The following CRTC3 variants were observed in gnomAD, a reference collection of about 807,000 sequenced individuals.
The protein encoded by CRTC3 is CREB regulated transcription coactivator 3.
CRTC3 carries 26 observed loss-of-function variants against 74.5 expected under a neutral mutation model. That is an observed-to-expected ratio of 0.35 (90% CI 0.26 to 0.48). CRTC3 has a LOEUF of 0.48. Ranked by LOEUF, CRTC3 falls within the 20% of genes least tolerant of loss-of-function variation. The pLI is 0.99. For synonymous variants in CRTC3, 377 were observed against 325.8 expected (o/e 1.16, Z -1.69); for missense variants, 760 against 787.3 (o/e 0.97, Z 0.41).
At chr15:90,551,688 G>A (rs1328943151) in intron 2 of CRTC3, among the ~76,000 whole-genome samples, 2 of 152,116 alleles carry the variant, frequency 1.3e-5, no homozygotes, top group Non-Finnish European at 2.9e-5. Flanking sequence ...GTCTTTATCA[G>A]CCAATCAGAT....
Position 90,642,386 on chromosome 15 carries a change from C to T in CRTC3, c.*246C>T. The T allele has an allele frequency of 3.7e-6, 2 of 542,828 alleles. No homozygotes were observed. The highest frequency in any genetic ancestry group is 1.9e-5 in the African/African-American group (1 of 53,118). 33.6% of individuals were successfully genotyped at this position (542,828 alleles called of 1,614,324 possible). A position where few individuals can be genotyped will look rare whatever the true frequency, so the allele number is the denominator to read the frequency against. Reference sequence around the variant, plus strand: ...CAGCAGGCAGGCTGCTTGGAGCTTCCCATGAACTGGAAAGCTCACCTCCAC... The same window carrying T: ...CAGCAGGCAGGCTGCTTGGAGCTTCTCATGAACTGGAAAGCTCACCTCCAC... On this transcript the variant is annotated 3_prime_UTR_variant, in exon 15 of 15. Transcript: ENST00000268184.
At chr15:90,579,261 A>G (rs761378831) in intron 2 of CRTC3, among the ~76,000 whole-genome samples, 20 of 152,194 alleles carry the variant, frequency 1.3e-4, no homozygotes, top group Non-Finnish European at 2.1e-4. Flanking sequence ...GGATTTGAGT[A>G]TGCATAGATT....
intron 13 of CRTC3, 117 bp from the exon 14 acceptor site, chr15:90,640,977 AAAG>A: frequency 1.5e-6 from 1 of 688,174 alleles, no homozygotes; most frequent in Non-Finnish European, 2.6e-6. Flanking sequence ...GGGATCCTGG[AAAG>A]AAGGGAATAT....
intron 13 of CRTC3, 60 bp from the exon 14 acceptor site, chr15:90,641,037 C>T (rs1014487812): frequency 9.1e-7 from 1 of 1,104,850 alleles, no homozygotes; most frequent in East Asian, 2.4e-5. Flanking sequence ...CATTGCAATA[C>T]TCACTTCCTC....
chr15:90,633,028 C>T (rs1267790788), intron 11 of CRTC3, among the ~76,000 whole-genome samples: 1 of 152,198 alleles, frequency 6.6e-6, no homozygotes, highest in Non-Finnish European at 1.5e-5. Flanking sequence ...CCACCACACA[C>T]ATATGTGCGC....
chr15:90,538,574 C>T (rs916976598), intron 1 of CRTC3, among the ~76,000 whole-genome samples: 5 of 152,046 alleles, frequency 3.3e-5, no homozygotes, highest in South Asian at 4.2e-4. Context: ...TGAGGCACTG[C>T]GGGTAGTGGA....
chr15:90,551,352 T>A (rs1208767623), intron 2 of CRTC3, among the ~76,000 whole-genome samples: 1 of 152,178 alleles, frequency 6.6e-6, no homozygotes, highest in Non-Finnish European at 1.5e-5. Context: ...CTTCTTACTG[T>A]CTCCCCCTCA....
At position 90,638,603 on chromosome 15, in the gene CRTC3, C is replaced by T. The variant is rs149719364; in HGVS notation, c.1424C>T (p.Ala475Val). ...PEAPAQQPQA[A>V]SSLPQSDFQL... is the part of the protein sequence containing the mutation. ...GCCCCTGCCCAGCAGCCCCAGGCAG[C>T]CTCCTCACTGCCACAGTCAGACTTT... The change falls in exon 12 of 15, where the codon GCC (alanine) becomes GTC (valine). Residue 475 changes from alanine (A) to valine (V), a missense_variant. Transcript: ENST00000268184. The T allele has an allele frequency of 2.0e-5, 33 of 1,613,156 alleles. No individual in the cohort carries two copies. The South Asian group carries it at 3.6e-4, about 18-fold the overall frequency.
At chr15:90,539,251 C>T (rs1966766964) in intron 1 of CRTC3, among the ~76,000 whole-genome samples, 1 of 152,106 alleles carries the variant, frequency 6.6e-6, no homozygotes, top group Admixed American at 6.5e-5. Flanking sequence ...GAACTGTAAC[C>T]AGTTTATTGC....
chr15:90,563,332 G>A (rs946115995), intron 2 of CRTC3, among the ~76,000 whole-genome samples: 1 of 152,084 alleles, frequency 6.6e-6, no homozygotes, highest in Non-Finnish European at 1.5e-5. Flanking sequence ...CTTGAACCGA[G>A]GAGGCGGAAG....
chr15:90,531,795 T>A (rs1966631163), intron 1 of CRTC3, among the ~76,000 whole-genome samples: 2 of 152,194 alleles, frequency 1.3e-5, no homozygotes, highest in South Asian at 4.1e-4. Context: ...TATGTACAAA[T>A]ACATGCACTG....
intron 2 of CRTC3, among the ~76,000 whole-genome samples, chr15:90,567,346 T>C (rs978721132): frequency 2.6e-5 from 4 of 152,176 alleles, no homozygotes; most frequent in African/African-American, 9.7e-5. Context: ...AAAATATTGC[T>C]GCTCAATTCA....
chr15:90,544,429 A>G (rs1416880290), intron 2 of CRTC3, among the ~76,000 whole-genome samples: 4 of 152,230 alleles, frequency 2.6e-5, no homozygotes, highest in Non-Finnish European at 5.9e-5. Flanking sequence ...GGACTTGAAG[A>G]TATCTCTTTT....
intron 2 of CRTC3, among the ~76,000 whole-genome samples, chr15:90,566,635 G>A (rs1198667212): frequency 6.6e-6 from 1 of 151,398 alleles, no homozygotes; most frequent in African/African-American, 2.4e-5. Flanking sequence ...AGAAGCTGCA[G>A]CAAGTTATCC....
intron 1 of CRTC3, among the ~76,000 whole-genome samples, chr15:90,539,240 A>G (rs1966766832): frequency 6.6e-6 from 1 of 152,246 alleles, no homozygotes; most frequent in African/African-American, 2.4e-5. Flanking sequence ...GAGATTTACA[A>G]GAACTGTAAC....
At chr15:90,549,008 T>G (rs1297371239) in intron 2 of CRTC3, among the ~76,000 whole-genome samples, 1 of 152,262 alleles carries the variant, frequency 6.6e-6, no homozygotes, top group Non-Finnish European at 1.5e-5. Flanking sequence ...AAAGCAATAC[T>G]TCTTTTTCTG....
chr15:90,570,811 C>T (rs574450322), intron 2 of CRTC3, among the ~76,000 whole-genome samples: 2 of 152,228 alleles, frequency 1.3e-5, no homozygotes, highest in African/African-American at 4.8e-5. Flanking sequence ...TGGTCTGTTA[C>T]ACACATTACT....
chr15:90,638,308 G>T (rs1969312359), intron 11 of CRTC3, 138 bp from the exon 12 acceptor site: 1 of 649,224 alleles, frequency 1.5e-6, no homozygotes. Context: ...ATGAGAAACG[G>T]GCTTCTCACA....
chr15:90,610,200 T>C lies in CRTC3; in HGVS notation c.577+2722T>C, dbSNP rs1015611570. Among the ~76,000 whole-genome samples the C allele has an allele frequency of 5.3e-5, 8 of 152,376 alleles. 1 individual carries two copies. Among genetic ancestry groups the C allele is most frequent in the Non-Finnish European group, 1.0e-4 (7 of 68,030 alleles). On this transcript the variant is annotated intron_variant, in intron 6 of 14. Transcript: ENST00000268184. Reference sequence around the variant, plus strand: ...TTTCTTTCCTTTTGGATTTTAAAACTATCAACTGGCTTTGCAAAAAGGTAT... The same window carrying C: ...TTTCTTTCCTTTTGGATTTTAAAACCATCAACTGGCTTTGCAAAAAGGTAT...
Sources: allele counts gnomAD v4.1 joint callset (sites outside exome capture counted in the v4.1 genomes callset), GRCh38; gene constraint gnomAD v4.1.1; transcripts MANE v1.5; gene names NCBI Gene and HGNC (gene_info 2026-07-23, HGNC 2026-07-21).